DMD: variants seen among roughly 807,000 people sequenced by gnomAD.
The protein encoded by DMD is mutant dystrophin.
DMD carries 63 observed loss-of-function variants against 330.1 expected under a neutral mutation model. That is an observed-to-expected ratio of 0.19 (90% CI 0.16 to 0.24). The LOEUF (loss-of-function observed/expected upper bound fraction) is 0.24. DMD is among the 10% of genes least tolerant of loss of function. DMD has a pLI of 1.00. For synonymous variants in DMD, 1,223 were observed against 959.8 expected (o/e 1.27, Z -5.07); for missense variants, 3,344 against 2,684.1 (o/e 1.25, Z -5.43).
At chrX:33,259,774 C>T (rs1490052391) in intron 1 of DMD, among the ~76,000 whole-genome samples, 2 of 109,760 alleles carry the variant, frequency 1.8e-5, no homozygotes, top group Admixed American at 2.0e-4. Flanking sequence ...CATAGTTTTG[C>T]CATTTCTAGA....
chrX:31,836,764 T>C lies in DMD; in HGVS notation c.7154A>G (p.Lys2385Arg). The change falls in exon 49 of 79, where the codon AAA becomes AGA. Residue 2385 changes from lysine (K) to arginine (R), a missense_variant. Lys to Arg is a conservative substitution (Grantham distance 26). Transcript: ENST00000357033. ...TTTTTCCTTGTACAAATGCTGCCCT[T>C]TAGACAAAATCTCTTCCACATCCGG... ...KQPDVEEILS[K>R]GQHLYKEKPA... The C allele has an allele frequency of 8.3e-7, 1 of 1,211,955 alleles. No individual in the cohort carries two copies. The highest frequency in any genetic ancestry group is 1.1e-6 in the Non-Finnish European group (1 of 895,477).
rs758023750 is a variant in DMD, at chrX:32,217,073, A to G, written c.6291-10T>C. On this transcript the variant is annotated splice_polypyrimidine_tract_variant and intron_variant, in intron 43 of 78. Coordinates refer to ENST00000357033, the MANE Select transcript of DMD (RefSeq NM_004006.3). ...AGATCTGTCAAATCGCCTGCAGGTA[A>G]AAGCATATGGATCAAGAAAAATAGA... 1.1e-4 allele frequency: 127 copies of G among 1,203,999 alleles called. No homozygotes were observed. The South Asian group carries it at 2.2e-3, about 21-fold the overall frequency.
At chrX:32,723,809 C>A (rs1388271709) in intron 7 of DMD, among the ~76,000 whole-genome samples, 1 of 109,710 alleles carries the variant, frequency 9.1e-6, no homozygotes, top group Non-Finnish European at 1.9e-5. Context: ...TCCTTAGGCT[C>A]CATTTGAAGA....
At chrX:31,289,970 G>C (rs969981336) in intron 62 of DMD, among the ~76,000 whole-genome samples, 2 of 106,659 alleles carry the variant, frequency 1.9e-5, no homozygotes, top group African/African-American at 6.8e-5. Context: ...GCCCAGGCTG[G>C]AGTGCAGTGG....
rs1171338370 is a variant in DMD at position 32,398,253 on chromosome X, CT to C, written c.4234-8073del. Among the ~76,000 whole-genome samples, 6 of 90,151 alleles carry C rather than the reference CT, an allele frequency of 6.7e-5. No homozygotes were observed. The South Asian group carries it at 2.4e-3, about 36-fold the overall frequency. 78.3% of individuals were successfully genotyped at this position (90,151 alleles called of 115,157 possible). ...GAAATTCACACAGCTTTGTACTACT[CT>C]TTTTTTAAACCCCCCCCCCCAAGTA... On this transcript the variant is annotated intron_variant, in intron 30 of 78. Transcript: ENST00000357033.
chrX:32,916,515 T>C (rs1308131931), intron 2 of DMD, among the ~76,000 whole-genome samples: 1 of 111,796 alleles, frequency 8.9e-6, no homozygotes, highest in Non-Finnish European at 1.9e-5. Context: ...CCTCTGACAG[T>C]AGGTGATACC....
rs1464028858 is a variant in DMD at position 32,807,139 on chromosome X, A to C, written c.649+2354T>G. Among the ~76,000 whole-genome samples the C allele has an allele frequency of 1.2e-4, 13 of 104,483 alleles. No homozygotes were observed. In the South Asian group the frequency reaches 2.9e-3, roughly 23 times the overall value. The allele number at this position is 104,483 out of a possible 115,157, so 90.7% of individuals were successfully genotyped here. On this transcript the variant is annotated intron_variant, in intron 7 of 78. Transcript: ENST00000357033. ...GAAACATTTAAAAAAAAAAAAAAAA[A>C]AAAAAAAAAACATCAACAAATCCAG...
chrX:32,636,005 G>T (rs1349903734), intron 11 of DMD, among the ~76,000 whole-genome samples: 1 of 111,712 alleles, frequency 9.0e-6, no homozygotes, highest in Non-Finnish European at 1.9e-5. Context: ...CCAAATTCTG[G>T]TATTCCTTAC....
At chrX:31,574,939 T>A (rs767537388) in intron 55 of DMD, among the ~76,000 whole-genome samples, 8 of 112,093 alleles carry the variant, frequency 7.1e-5, no homozygotes, top group Non-Finnish European at 1.5e-4. Context: ...TTCATGGCTC[T>A]AATGCAATCA....
chrX:32,738,689 TC>T lies in DMD; in HGVS notation c.650-39397del, dbSNP rs1261523308. On this transcript the variant is annotated intron_variant, in intron 7 of 78. Transcript: ENST00000357033. ...AAAACTTCTTCTACATGTTCACTTG[TC>T]ACCCGTCTGCAGAACAGAATTGGAG... Among the ~76,000 whole-genome samples, 6,997 of 108,240 alleles carry T rather than the reference TC, an allele frequency of 0.065. 3 individuals carry two copies. The highest frequency in any genetic ancestry group is 0.24 in the African/African-American group (6,568 of 27,570). The allele number at this position is 108,240 out of a possible 115,157, so 94.0% of individuals were successfully genotyped here.
intron 44 of DMD, among the ~76,000 whole-genome samples, chrX:32,049,981 T>C (rs746332397): frequency 6.2e-5 from 7 of 112,064 alleles, no homozygotes; most frequent in African/African-American, 2.3e-4. Context: ...CTATAAATTA[T>C]CTCGTTTAAA....
Position 32,528,821 on chromosome X carries a change from A to G in DMD, c.2169-10690T>C, listed in dbSNP as rs2047167419. ...AGACAAACTCAACCAATTGTCAACC[A>G]GAAAATGTTTAAATTTACCTACAGC... On this transcript the variant is annotated intron_variant, in intron 17 of 78. Transcript: ENST00000357033. Among the ~76,000 whole-genome samples the G allele has an allele frequency of 2.7e-5, 3 of 109,935 alleles. No homozygotes were observed. In the South Asian group the frequency reaches 1.2e-3, roughly 44 times the overall value.
At chrX:31,257,508 G>T (rs776247838) in intron 63 of DMD, among the ~76,000 whole-genome samples, 19 of 111,663 alleles carry the variant, frequency 1.7e-4, no homozygotes, top group East Asian at 1.7e-3. Flanking sequence ...TCTTGAAGAA[G>T]AAAAATATAA....
At chrX:31,520,017 T>C (rs958686899) in intron 55 of DMD, among the ~76,000 whole-genome samples, 2 of 112,276 alleles carry the variant, frequency 1.8e-5, no homozygotes, top group Admixed American at 1.9e-4. Flanking sequence ...AGTTACTCTT[T>C]TGTTAATGTA....
intron 44 of DMD, among the ~76,000 whole-genome samples, chrX:32,105,343 C>T (rs189686308): frequency 3.0e-3 from 333 of 112,011 alleles, no homozygotes; most frequent in Non-Finnish European, 5.1e-3. Flanking sequence ...TATATTTATA[C>T]AGAATTGCTC....
At chrX:32,045,348 T>TTG (rs1424491346) in intron 44 of DMD, among the ~76,000 whole-genome samples, 1 of 103,681 alleles carries the variant, frequency 9.6e-6, no homozygotes, top group African/African-American at 3.5e-5. Context: ...TCTGTTTTGT[T>TTG]TTTTTTTTTT....
At chrX:31,438,080 A>C (rs979380642) in intron 60 of DMD, among the ~76,000 whole-genome samples, 6 of 109,994 alleles carry the variant, frequency 5.5e-5, no homozygotes, top group Non-Finnish European at 1.1e-4. Context: ...ATCTATTAAC[A>C]GTTTCCCTTC....
At chrX:31,942,470 G>A (rs957586196) in intron 45 of DMD, among the ~76,000 whole-genome samples, 1 of 112,055 alleles carries the variant, frequency 8.9e-6, no homozygotes, top group Admixed American at 9.4e-5. Context: ...TCTTTGCACT[G>A]TATAGTTCAT....
intron 62 of DMD, among the ~76,000 whole-genome samples, chrX:31,292,943 A>G (rs971597986): frequency 9.0e-6 from 1 of 110,986 alleles, no homozygotes; most frequent in Non-Finnish European, 1.9e-5. Flanking sequence ...TACCTTTAAG[A>G]TGAGGGAGGA....
Sources: gnomAD v4.1 joint callset for allele counts (sites outside exome capture counted in the v4.1 genomes callset) on GRCh38, gnomAD v4.1.1 for gene constraint, MANE v1.5 for transcripts, NCBI Gene and HGNC (gene_info 2026-07-23, HGNC 2026-07-21) for gene names.